The following BLTP1 variants were observed in gnomAD, a reference collection of about 807,000 sequenced individuals.
The protein encoded by BLTP1 is bridge-like lipid transfer protein family member 1, also known as fragile site-associated protein.
At chr4:122,279,677 A>G in the BLTP1 span, 1 of 1,373,788 alleles carries the variant, frequency 7.3e-7, no homozygotes, top group Admixed American at 2.8e-5. Flanking sequence ...AAGACCTCTC[A>G]AATTTATAAG....
At chr4:122,188,239 T>G in the BLTP1 span, 1 of 1,011,444 alleles carries the variant, frequency 9.9e-7, no homozygotes, top group Non-Finnish European at 1.3e-6. Flanking sequence ...TAGTCCTTCT[T>G]TATAGGATAA....
chr4:122,292,324 TA>T, the BLTP1 span: 68 of 925,962 alleles, frequency 7.3e-5, no homozygotes, highest in East Asian at 2.3e-4. Flanking sequence ...ACAAAGCCAT[TA>T]TTTTTTTTGT....
the BLTP1 span, among the ~76,000 whole-genome samples, chr4:122,294,780 A>G: frequency 4.6e-5 from 7 of 152,244 alleles, no homozygotes; most frequent in Non-Finnish European, 8.8e-5. Context: ...CTGAATTGAC[A>G]GAAGTAGGCT....
At chr4:122,167,683 T>C in the BLTP1 span, 1 of 985,422 alleles carries the variant, frequency 1.0e-6, no homozygotes, top group Non-Finnish European at 1.2e-6. Context: ...CCTTAGGTGC[T>C]GCCACTACTC....
chr4:122,169,673 A>T, the BLTP1 span: 1 of 962,776 alleles, frequency 1.0e-6, no homozygotes. Flanking sequence ...GCATATATAC[A>T]TATACACACA....
the BLTP1 span, among the ~76,000 whole-genome samples, chr4:122,208,869 C>T: frequency 6.6e-6 from 1 of 151,084 alleles, no homozygotes; most frequent in Non-Finnish European, 1.5e-5. Context: ...CAGCAAGACC[C>T]TGTCTCTAAA....
the BLTP1 span, chr4:122,209,466 G>A: frequency 4.4e-6 from 4 of 906,570 alleles, no homozygotes; most frequent in Admixed American, 2.8e-5. Context: ...CCAACATGGT[G>A]AAACCTTGTC....
the BLTP1 span, among the ~76,000 whole-genome samples, chr4:122,235,869 G>A: frequency 3.9e-4 from 60 of 152,170 alleles, no homozygotes; most frequent in Non-Finnish European, 7.1e-4. Flanking sequence ...GCTATGAGCA[G>A]TGAAGAGTGG....
chr4:122,318,606 C>G, the BLTP1 span, among the ~76,000 whole-genome samples: 1 of 152,098 alleles, frequency 6.6e-6, no homozygotes, highest in East Asian at 1.9e-4. Context: ...CTAATGTGAA[C>G]TCTGCAAAAA....
the BLTP1 span, chr4:122,234,285 G>A: frequency 2.9e-6 from 1 of 339,964 alleles, no homozygotes; most frequent in South Asian, 1.2e-4. Context: ...TAATTTTATT[G>A]AGAAATAATT....
chr4:122,316,293 GT>G, the BLTP1 span: 1 of 420,698 alleles, frequency 2.4e-6, no homozygotes, highest in Non-Finnish European at 4.9e-6. Context: ...CCATGAAATA[GT>G]TTTGTTCTTG....
chr4:122,190,120 A>G, the BLTP1 span: 1 of 1,609,988 alleles, frequency 6.2e-7, no homozygotes, highest in South Asian at 1.1e-5. Context: ...TTAAAGTGAC[A>G]GAGTGAGACT....
the BLTP1 span, chr4:122,330,833 G>GTT: frequency 2.1e-5 from 4 of 187,068 alleles, no homozygotes; most frequent in Non-Finnish European, 4.0e-5. Flanking sequence ...GAGTTTAACA[G>GTT]TTTCAGGTGT....
the BLTP1 span, chr4:122,254,643 T>TC: frequency 1.1e-6 from 1 of 907,682 alleles, no homozygotes; most frequent in Admixed American, 6.2e-5. Flanking sequence ...TCCATTTTTT[T>TC]TAACATTTCT....
At chr4:122,224,637 T>G in the BLTP1 span, 21 of 1,614,102 alleles carry the variant, frequency 1.3e-5, no homozygotes, top group Non-Finnish European at 1.7e-5. Flanking sequence ...TTAATTGATG[T>G]GCAGGCTGGA....
At chr4:122,167,334 C>A in the BLTP1 span, among the ~76,000 whole-genome samples, 1 of 152,076 alleles carries the variant, frequency 6.6e-6, no homozygotes, top group African/African-American at 2.4e-5. Flanking sequence ...TATGTTTATT[C>A]ATCTCCCAGG....
At chr4:122,239,614 C>G in the BLTP1 span, 15 of 1,614,094 alleles carry the variant, frequency 9.3e-6, no homozygotes, top group East Asian at 3.1e-4. Context: ...AAACGACAAG[C>G]CTCTGTCTGT....
chr4:122,183,588 G>A, the BLTP1 span: 2 of 872,790 alleles, frequency 2.3e-6, no homozygotes, highest in Non-Finnish European at 2.7e-6. Context: ...AATACAAGGA[G>A]CACTGGACTA....
At chr4:122,175,841 C>A in the BLTP1 span, 3 of 1,555,944 alleles carry the variant, frequency 1.9e-6, no homozygotes, top group Non-Finnish European at 2.6e-6. Context: ...TGTAATTTCC[C>A]TTTCTTAGGA....
Sources: allele counts gnomAD v4.1 joint callset (sites outside exome capture counted in the v4.1 genomes callset), GRCh38; gene constraint gnomAD v4.1.1; transcripts MANE v1.5; gene names NCBI Gene and HGNC (gene_info 2026-07-23, HGNC 2026-07-21).